The following TAFA2 variants were observed in gnomAD, a reference collection of about 807,000 sequenced individuals.
TAFA2 encodes TAFA chemokine like family member 2.
In TAFA2, 7 loss-of-function variants were observed where a neutral mutation model predicts 18.8. The observed-to-expected ratio is 0.37, with a 90% CI of 0.21 to 0.70. TAFA2 has a LOEUF of 0.70. Among genes scored for constraint, TAFA2 ranks in the 30% least tolerant of loss-of-function variants. TAFA2 has a pLI of 0.53. For missense variants in TAFA2, 122 were observed against 158.1 expected, an observed-to-expected ratio of 0.77 and a Z score of 1.23; for synonymous variants, 60 against 54.2, an observed-to-expected ratio of 1.11 and a Z score of -0.47.
chr12:61,812,337 G>A (rs1475820446), intron 2 of TAFA2, among the ~76,000 whole-genome samples: 1 of 151,506 alleles, frequency 6.6e-6, no homozygotes, highest in Non-Finnish European at 1.5e-5. Context: ...ATGGCCATCT[G>A]ATGTCCTGAT....
intron 1 of TAFA2, among the ~76,000 whole-genome samples, chr12:61,967,091 A>G (rs1879093110): frequency 6.6e-6 from 1 of 151,872 alleles, no homozygotes; most frequent in African/African-American, 2.4e-5. Context: ...GAGAGACTAT[A>G]TTACAGGGGG....
At chr12:61,793,201 G>T (rs1871054241) in intron 2 of TAFA2, among the ~76,000 whole-genome samples, 1 of 151,438 alleles carries the variant, frequency 6.6e-6, no homozygotes, top group Admixed American at 6.6e-5. Flanking sequence ...TTAAGAAACT[G>T]TAAAAAGGGG....
intron 2 of TAFA2, among the ~76,000 whole-genome samples, chr12:61,812,887 A>G (rs1457397088): frequency 6.6e-6 from 1 of 151,382 alleles, no homozygotes; most frequent in Non-Finnish European, 1.5e-5. Context: ...CTTTTCAATA[A>G]ATGTTTACTG....
At chr12:61,866,185 G>C (rs1277570067) in intron 2 of TAFA2, among the ~76,000 whole-genome samples, 1 of 152,074 alleles carries the variant, frequency 6.6e-6, no homozygotes, top group Non-Finnish European at 1.5e-5. Context: ...GTAGAAAACA[G>C]GATAACGAAA....
chr12:62,116,006 ATC>A (rs1199401469), intron 1 of TAFA2, among the ~76,000 whole-genome samples: 2 of 152,226 alleles, frequency 1.3e-5, no homozygotes, highest in Non-Finnish European at 2.9e-5. Context: ...TCATTAACTA[ATC>A]TAGGAAAGTA....
intron 1 of TAFA2, among the ~76,000 whole-genome samples, chr12:62,127,750 G>T (rs780625947): frequency 7.2e-5 from 11 of 152,070 alleles, no homozygotes; most frequent in South Asian, 4.1e-4. Context: ...GTTACCTAGA[G>T]CAAGTTTCTT....
At chr12:61,732,804 T>C (rs1310502618) in intron 4 of TAFA2, among the ~76,000 whole-genome samples, 1 of 151,928 alleles carries the variant, frequency 6.6e-6, no homozygotes, top group African/African-American at 2.4e-5. Context: ...CTGCTAAATG[T>C]TTTCAGCTGA....
intron 1 of TAFA2, among the ~76,000 whole-genome samples, chr12:62,067,201 A>G (rs929320333): frequency 1.3e-5 from 2 of 151,904 alleles, no homozygotes; most frequent in African/African-American, 2.4e-5. Flanking sequence ...CTATTTATGT[A>G]TTCTGGTTAT....
At chr12:61,949,732 AT>A (rs144875111) in intron 1 of TAFA2, among the ~76,000 whole-genome samples, 58 of 152,184 alleles carry the variant, frequency 3.8e-4, no homozygotes, top group African/African-American at 1.3e-3. Flanking sequence ...CTCCTGGATA[AT>A]TTTTTTAATA....
At chr12:62,184,336 T>C (rs1482150512) in intron 1 of TAFA2, among the ~76,000 whole-genome samples, 1 of 152,084 alleles carries the variant, frequency 6.6e-6, no homozygotes, top group East Asian at 1.9e-4. Context: ...TACTTATCTA[T>C]TGGAAAGTAT....
At chr12:62,252,342 C>T (rs1320699516) in intron 1 of TAFA2, 4 of 152,226 alleles carry the variant, frequency 2.6e-5, no homozygotes, top group African/African-American at 7.2e-5. Context: ...TGACTGCTCT[C>T]GTTGCCTGAT....
chr12:61,943,530 C>A (rs1411900340), intron 1 of TAFA2, among the ~76,000 whole-genome samples: 1 of 145,536 alleles, frequency 6.9e-6, no homozygotes, highest in Middle Eastern at 3.6e-3. Flanking sequence ...AGAGTCAAGA[C>A]CCATCAGTGT....
intron 1 of TAFA2, among the ~76,000 whole-genome samples, chr12:62,244,543 G>A (rs1248638014): frequency 6.6e-6 from 1 of 152,060 alleles, no homozygotes; most frequent in East Asian, 1.9e-4. Flanking sequence ...GTATACTTGG[G>A]TATGTTTCCT....
chr12:62,095,631 C>T (rs1332581574), intron 1 of TAFA2, among the ~76,000 whole-genome samples: 1 of 152,048 alleles, frequency 6.6e-6, no homozygotes, highest in Admixed American at 6.6e-5. Flanking sequence ...AAGCAAAAGG[C>T]CCTGGTTACC....
chr12:61,917,208 T>C (rs896770874), intron 1 of TAFA2, among the ~76,000 whole-genome samples: 2 of 152,208 alleles, frequency 1.3e-5, no homozygotes, highest in Admixed American at 1.3e-4. Context: ...TTTTTTTGTT[T>C]TTTAAAGGAA....
At chr12:61,839,719 A>T (rs955376816) in intron 2 of TAFA2, among the ~76,000 whole-genome samples, 1 of 152,052 alleles carries the variant, frequency 6.6e-6, no homozygotes, top group Non-Finnish European at 1.5e-5. Flanking sequence ...GACACAAAGA[A>T]CAATAACACT....
intron 1 of TAFA2, among the ~76,000 whole-genome samples, chr12:61,976,192 G>A (rs537254170): frequency 6.6e-6 from 1 of 151,864 alleles, no homozygotes; most frequent in East Asian, 1.9e-4. Flanking sequence ...AACATGATAT[G>A]TTTTGCCTTT....
At chr12:61,890,958 A>C (rs1875604618) in intron 1 of TAFA2, among the ~76,000 whole-genome samples, 1 of 152,194 alleles carries the variant, frequency 6.6e-6, no homozygotes, top group Non-Finnish European at 1.5e-5. Flanking sequence ...TATATCCTGG[A>C]ATTTTCTTGC....
At position 61,850,270 on chromosome 12, in the gene TAFA2, A is replaced by C. The variant is rs537979447; in HGVS notation, c.106+17050T>G. Among the ~76,000 whole-genome samples the C allele has an allele frequency of 2.6e-5, 4 of 152,252 alleles. No individual in the cohort carries two copies. In the South Asian group the frequency reaches 8.3e-4, roughly 32 times the overall value. On this transcript the variant is annotated intron_variant, in intron 2 of 4. Transcript: ENST00000416284. ...CAAGCACTTCTCTAAGTAAGTAAGC[A>C]TTAGCAAGCTACTCTAAGTTAAATA...
Sources: gnomAD v4.1 joint callset for allele counts (sites outside exome capture counted in the v4.1 genomes callset) on GRCh38, gnomAD v4.1.1 for gene constraint, MANE v1.5 for transcripts, NCBI Gene and HGNC (gene_info 2026-07-23, HGNC 2026-07-21) for gene names.